The following TAS2R1 variants were observed in gnomAD, a reference collection of about 807,000 sequenced individuals.
TAS2R1 encodes taste receptor type 2 member 1.
For synonymous variants in TAS2R1, 141 were observed against 134.2 expected (o/e 1.05, Z -0.35); for missense variants, 370 against 353.4 (o/e 1.05, Z -0.38).
intron 2 of TAS2R1, among the ~76,000 whole-genome samples, chr5:9,638,089 T>C (rs1201452361): frequency 6.6e-6 from 1 of 152,232 alleles, no homozygotes; most frequent in East Asian, 1.9e-4. Context: ...GGCCTGCTGT[T>C]AAGATTCTCT....
chr5:9,809,766 C>T, the TAS2R1 span, among the ~76,000 whole-genome samples: 2 of 152,192 alleles, frequency 1.3e-5, no homozygotes, highest in Non-Finnish European at 2.9e-5. Flanking sequence ...CTTTCCACCT[C>T]TATCCTTTAT....
the TAS2R1 span, among the ~76,000 whole-genome samples, chr5:9,860,800 C>T: frequency 6.6e-6 from 1 of 152,148 alleles, no homozygotes; most frequent in African/African-American, 2.4e-5. Flanking sequence ...CTGTGCTCAG[C>T]CACTGGATGG....
the TAS2R1 span, among the ~76,000 whole-genome samples, chr5:9,864,405 G>A: frequency 6.6e-6 from 1 of 152,020 alleles, no homozygotes; most frequent in Admixed American, 6.5e-5. Flanking sequence ...AGACAGGCGG[G>A]TCTCTTGAGG....
chr5:9,734,630 A>G, the TAS2R1 span, among the ~76,000 whole-genome samples: 1 of 152,182 alleles, frequency 6.6e-6, no homozygotes, highest in African/African-American at 2.4e-5. Context: ...TGTATTTACT[A>G]TGCTATGCTA....
the TAS2R1 span, among the ~76,000 whole-genome samples, chr5:9,820,881 T>G: frequency 6.6e-6 from 1 of 152,216 alleles, no homozygotes; most frequent in Admixed American, 6.5e-5. Flanking sequence ...GACTGGGAGA[T>G]GAACAGAGTC....
chr5:9,733,817 C>A, the TAS2R1 span, among the ~76,000 whole-genome samples: 2 of 151,602 alleles, frequency 1.3e-5, no homozygotes, highest in Admixed American at 6.6e-5. Context: ...AGCAGCTTAT[C>A]ACCACCTCCG....
At chr5:9,781,272 C>T in the TAS2R1 span, among the ~76,000 whole-genome samples, 1 of 152,202 alleles carries the variant, frequency 6.6e-6, no homozygotes, top group South Asian at 2.1e-4. Flanking sequence ...TCCTGTCCTG[C>T]AGTCTGAAAA....
intron 1 of TAS2R1, among the ~76,000 whole-genome samples, chr5:9,687,113 C>T (rs1481709157): frequency 1.2e-4 from 18 of 152,134 alleles, no homozygotes; most frequent in African/African-American, 2.9e-4. Context: ...TACAGGCATG[C>T]GCCACCATGC....
the TAS2R1 span, among the ~76,000 whole-genome samples, chr5:9,859,370 C>T: frequency 6.6e-6 from 1 of 152,218 alleles, no homozygotes; most frequent in Non-Finnish European, 1.5e-5. Context: ...CAGGAACTTT[C>T]TGTGAACCAG....
chr5:9,854,443 A>G, the TAS2R1 span: 1 of 152,104 alleles, frequency 6.6e-6, no homozygotes, highest in Non-Finnish European at 1.5e-5. Flanking sequence ...AACACGTAAT[A>G]TTCCCTAACA....
the TAS2R1 span, among the ~76,000 whole-genome samples, chr5:9,760,645 G>C: frequency 6.6e-6 from 1 of 152,112 alleles, no homozygotes; most frequent in Admixed American, 6.6e-5. Context: ...CTAACACCCA[G>C]TCATGATGAA....
the TAS2R1 span, among the ~76,000 whole-genome samples, chr5:9,780,109 C>T: frequency 6.6e-6 from 1 of 152,196 alleles, no homozygotes; most frequent in African/African-American, 2.4e-5. Context: ...TCTACAAGAT[C>T]ATTTCCTTTG....
chr5:9,694,638 G>A (rs1372587680), intron 1 of TAS2R1, among the ~76,000 whole-genome samples: 1 of 152,060 alleles, frequency 6.6e-6, no homozygotes. Context: ...GATCTTTCAT[G>A]TTACCTTATT....
At chr5:9,812,623 C>T in the TAS2R1 span, among the ~76,000 whole-genome samples, 1 of 152,298 alleles carries the variant, frequency 6.6e-6, no homozygotes, top group East Asian at 1.9e-4. Context: ...GCTGCTCAGT[C>T]ACCACTATTT....
chr5:9,834,996 C>T, the TAS2R1 span, among the ~76,000 whole-genome samples: 46 of 152,276 alleles, frequency 3.0e-4, no homozygotes, highest in African/African-American at 6.5e-4. Flanking sequence ...TCTTTCATGA[C>T]GCCTGAGCTG....
At chr5:9,822,566 C>T in the TAS2R1 span, among the ~76,000 whole-genome samples, 1 of 151,942 alleles carries the variant, frequency 6.6e-6, no homozygotes, top group Non-Finnish European at 1.5e-5. Flanking sequence ...AGCCAGGATG[C>T]TCTCGATCTT....
intron 2 of TAS2R1, among the ~76,000 whole-genome samples, chr5:9,639,529 G>A (rs575387641): frequency 1.3e-5 from 2 of 152,224 alleles, no homozygotes; most frequent in South Asian, 2.1e-4. Context: ...AATTATTTTG[G>A]TTTTCCTGGC....
chr5:9,731,798 C>G, the TAS2R1 span, among the ~76,000 whole-genome samples: 1 of 152,180 alleles, frequency 6.6e-6, no homozygotes, highest in South Asian at 2.1e-4. Flanking sequence ...AGCTGTCCTT[C>G]CTACTAGACC....
At chr5:9,895,333 C>T in the TAS2R1 span, among the ~76,000 whole-genome samples, 1 of 152,170 alleles carries the variant, frequency 6.6e-6, no homozygotes. Flanking sequence ...AAATATGATG[C>T]ACAGTTGTGA....
Sources: gnomAD v4.1 joint callset for allele counts (sites outside exome capture counted in the v4.1 genomes callset) on GRCh38, gnomAD v4.1.1 for gene constraint, MANE v1.5 for transcripts, NCBI Gene and HGNC (gene_info 2026-07-23, HGNC 2026-07-21) for gene names.